The following HACD3 variants were observed in gnomAD, a reference collection of about 807,000 sequenced individuals.
The protein encoded by HACD3 is 3-hydroxyacyl-CoA dehydratase 3.
Under a neutral mutation model 55.2 loss-of-function variants are expected in HACD3, and 30 were observed. The observed-to-expected ratio is 0.54, with a 90% CI of 0.41 to 0.74. HACD3 has a LOEUF of 0.74. HACD3 is among the 30% of genes least tolerant of loss of function. The pLI, the probability that HACD3 is intolerant of heterozygous loss-of-function variation, is 0.00. For missense variants in HACD3, 363 were observed against 440.1 expected (o/e 0.82, Z 1.57); for synonymous variants, 141 against 151.7 (o/e 0.93, Z 0.52).
chr15:65,540,292 C>G (rs776279806), intron 1 of HACD3, among the ~76,000 whole-genome samples: 4 of 152,092 alleles, frequency 2.6e-5, no homozygotes, highest in African/African-American at 7.2e-5. Flanking sequence ...ACTAGATATT[C>G]AGTAATGAGC....
At chr15:65,542,619 A>G (rs1158638251) in intron 1 of HACD3, among the ~76,000 whole-genome samples, 2 of 152,164 alleles carry the variant, frequency 1.3e-5, no homozygotes, top group Non-Finnish European at 2.9e-5. Context: ...GCATATACAG[A>G]GAATAGATAA....
At chr15:65,556,957 G>A (rs985202932) in intron 4 of HACD3, 54 bp downstream of exon 4, 12 of 1,526,088 alleles carry the variant, frequency 7.9e-6, no homozygotes, top group South Asian at 1.2e-5. Context: ...GGGAACCCAC[G>A]TTATTCAGGC....
chr15:65,543,302 T>C (rs2072040859), intron 1 of HACD3, among the ~76,000 whole-genome samples: 1 of 152,140 alleles, frequency 6.6e-6, no homozygotes, highest in Non-Finnish European at 1.5e-5. Context: ...TGCAATTAAA[T>C]GTTACACTTA....
rs183335897 is a variant in HACD3, at chr15:65,565,197, C to T, written c.660+855C>T. 6.8e-3 allele frequency: 1,038 copies of T among 153,560 alleles called. 6 individuals are homozygous for T. The highest frequency in any genetic ancestry group is 6.4e-3 in the African/African-American group (267 of 41,594). The allele number at this position is 153,560 out of a possible 1,614,324, so 9.5% of individuals were successfully genotyped here. On this transcript the variant is annotated intron_variant, in intron 7 of 10. Coordinates refer to ENST00000261875, the MANE Select transcript of HACD3 (RefSeq NM_016395.4). ...ACTTTGCAGGGAGCAGCCTCCCTCC[C>T]GGCTGCTTTCACCGGCTGGCATTGA...
chr15:65,534,344 T>C (rs1458563584), intron 1 of HACD3: 2 of 152,234 alleles, frequency 1.3e-5, no homozygotes, highest in East Asian at 3.8e-4. Context: ...TCTTGGATGC[T>C]GCAGGGCTAG....
At chr15:65,559,686 A>T (rs1343884640) in intron 5 of HACD3, among the ~76,000 whole-genome samples, 3 of 151,906 alleles carry the variant, frequency 2.0e-5, no homozygotes, top group South Asian at 2.1e-4. Context: ...AAGGAATTTT[A>T]AAAAATATTT....
At chr15:65,545,563 C>T (rs993565204) in intron 1 of HACD3, among the ~76,000 whole-genome samples, 16 of 151,918 alleles carry the variant, frequency 1.1e-4, no homozygotes, top group African/African-American at 3.9e-4. Flanking sequence ...CCTGCCTCAG[C>T]CTCCTGAGTA....
At chr15:65,565,876 T>C (rs1279947897) in intron 7 of HACD3, 1 of 152,274 alleles carries the variant, frequency 6.6e-6, no homozygotes, top group Non-Finnish European at 1.5e-5. Flanking sequence ...ACTTTTATGC[T>C]GTTTCTCTTT....
chr15:65,564,099 G>A, intron 6 of HACD3, 116 bp from the exon 7 acceptor site: 1 of 1,288,700 alleles, frequency 7.8e-7, no homozygotes. Flanking sequence ...AATCTGACTG[G>A]ATGTTTGTTA....
intron 7 of HACD3, chr15:65,565,024 G>C (rs986024208): frequency 2.0e-5 from 3 of 152,180 alleles, no homozygotes; most frequent in Non-Finnish European, 4.4e-5. Flanking sequence ...AAAATAAAGG[G>C]GTTACAGTGC....
At chr15:65,561,859 A>C (rs998990503) in intron 5 of HACD3, among the ~76,000 whole-genome samples, 11 of 152,222 alleles carry the variant, frequency 7.2e-5, no homozygotes, top group Admixed American at 7.2e-4. Flanking sequence ...AATAGGCTGT[A>C]AATTACGGTT....
intron 8 of HACD3, among the ~76,000 whole-genome samples, chr15:65,571,019 A>T (rs890302595): frequency 6.6e-6 from 1 of 152,254 alleles, no homozygotes; most frequent in African/African-American, 2.4e-5. Flanking sequence ...AGGGAAGCAC[A>T]TCTCACACAG....
intron 4 of HACD3, among the ~76,000 whole-genome samples, chr15:65,557,495 C>T (rs1364935308): frequency 6.6e-6 from 1 of 151,382 alleles, no homozygotes; most frequent in Non-Finnish European, 1.5e-5. Flanking sequence ...AAAGTACATA[C>T]TGTCAACGTG....
intron 1 of HACD3, among the ~76,000 whole-genome samples, chr15:65,551,385 A>ACCTT (rs2072131289): frequency 6.6e-6 from 1 of 152,084 alleles, no homozygotes; most frequent in Non-Finnish European, 1.5e-5. Context: ...CTCACATAGC[A>ACCTT]CCTTGCATGA....
intron 1 of HACD3, chr15:65,535,626 G>A (rs2071946444): frequency 5.0e-6 from 2 of 400,238 alleles, no homozygotes; most frequent in Non-Finnish European, 8.8e-6. Context: ...GTTAATTCTT[G>A]GAATAGTTCA....
intron 3 of HACD3, among the ~76,000 whole-genome samples, chr15:65,555,838 C>T (rs1361981362): frequency 6.6e-6 from 1 of 152,150 alleles, no homozygotes; most frequent in Non-Finnish European, 1.5e-5. Flanking sequence ...CCAGGACAGT[C>T]ATTTTCATGG....
At chr15:65,560,992 C>A (rs879541210) in intron 5 of HACD3, among the ~76,000 whole-genome samples, 1 of 152,092 alleles carries the variant, frequency 6.6e-6, no homozygotes, top group Non-Finnish European at 1.5e-5. Context: ...ACCTTTGTAT[C>A]CCAGTAGTTC....
intron 1 of HACD3, among the ~76,000 whole-genome samples, chr15:65,547,912 G>C (rs2072092973): frequency 6.6e-6 from 1 of 152,184 alleles, no homozygotes; most frequent in Non-Finnish European, 1.5e-5. Context: ...GTCAAGAGGG[G>C]CAGTTAAATG....
rs372996457 is a variant in HACD3, at chr15:65,554,933, G to A, written c.177G>A (p.Leu59=). ...AKGDNVYEFH[L]EFLDLVKPEP... The stretch of plus-strand genomic sequence containing the variant: ...GAGACAATGTCTATGAATTTCACCT[G>A]GAGTTCTTAGACCTTGTGAAACCAG... Residue 59 remains leucine, a synonymous_variant, in exon 3 of 11, where the codon CTG becomes CTA. Transcript: ENST00000261875. 3 of 1,611,412 alleles carry A rather than the reference G, an allele frequency of 1.9e-6. No homozygotes were observed. In the African/African-American group the frequency reaches 4.0e-5, roughly 22 times the overall value.
Sources: gnomAD v4.1 joint callset for allele counts (sites outside exome capture counted in the v4.1 genomes callset) on GRCh38, gnomAD v4.1.1 for gene constraint, MANE v1.5 for transcripts, NCBI Gene and HGNC (gene_info 2026-07-23, HGNC 2026-07-21) for gene names.